The following SIPA1L2 variants were observed in gnomAD, a reference collection of about 807,000 sequenced individuals.
SIPA1L2 encodes the protein signal-induced proliferation-associated 1-like protein 2.
SIPA1L2 carries 56 observed loss-of-function variants against 163.9 expected under a neutral mutation model. That is an observed-to-expected ratio of 0.34 (90% CI 0.28 to 0.43). SIPA1L2 has a LOEUF of 0.43. Among genes scored for constraint, SIPA1L2 ranks in the 20% least tolerant of loss-of-function variants. SIPA1L2 has a pLI of 1.00. For synonymous variants in SIPA1L2, 877 were observed against 865.7 expected (o/e 1.01, Z -0.23); for missense variants, 1,974 against 2,193.5 (o/e 0.90, Z 2.00).
chr1:232,598,591 T>C (rs1433001931), intron 1 of SIPA1L2, among the ~76,000 whole-genome samples: 3 of 152,160 alleles, frequency 2.0e-5, no homozygotes, highest in Non-Finnish European at 4.4e-5. Flanking sequence ...TTTCTCACAG[T>C]TCTGGAGGCT....
At chr1:232,491,664 G>A (rs542900643) in intron 4 of SIPA1L2, among the ~76,000 whole-genome samples, 4 of 152,066 alleles carry the variant, frequency 2.6e-5, no homozygotes, top group Non-Finnish European at 5.9e-5. Flanking sequence ...TGAATATTTG[G>A]AGCACGTGCC....
At chr1:232,424,613 T>TG (rs1661780267) in intron 18 of SIPA1L2, among the ~76,000 whole-genome samples, 1 of 152,196 alleles carries the variant, frequency 6.6e-6, no homozygotes, top group Non-Finnish European at 1.5e-5. Flanking sequence ...AAGAAGGCGT[T>TG]TAAAGGTTTC....
intron 10 of SIPA1L2, among the ~76,000 whole-genome samples, chr1:232,460,278 C>T (rs1664162287): frequency 6.6e-6 from 1 of 152,182 alleles, no homozygotes; most frequent in African/African-American, 2.4e-5. Flanking sequence ...CAGCCCTCCA[C>T]CTATCCGCCT....
intron 18 of SIPA1L2, 33 bp downstream of exon 18, chr1:232,425,556 C>T (rs767836910): frequency 2.5e-5 from 37 of 1,504,612 alleles, no homozygotes; most frequent in Admixed American, 6.0e-5. Context: ...CCACCCTCGG[C>T]GCTGGCCAGG....
intron 10 of SIPA1L2, among the ~76,000 whole-genome samples, chr1:232,447,286 T>C (rs1472447308): frequency 6.6e-6 from 1 of 152,252 alleles, no homozygotes; most frequent in Non-Finnish European, 1.5e-5. Context: ...AAAATCTTTC[T>C]ATTGGACAGC....
intron 2 of SIPA1L2, among the ~76,000 whole-genome samples, chr1:232,570,706 T>TATGG (rs1175753123): frequency 6.6e-6 from 1 of 152,062 alleles, no homozygotes; most frequent in Non-Finnish European, 1.5e-5. Context: ...AAAGACATCA[T>TATGG]ATGGATCCAA....
At chr1:232,415,719 G>A (rs186713547) in intron 18 of SIPA1L2, 94 bp from the exon 19 acceptor site, 388 of 1,553,426 alleles carry the variant, frequency 2.5e-4, no homozygotes, top group Non-Finnish European at 2.8e-4. Flanking sequence ...GCCCCTCCCA[G>A]AGTCAGTCAG....
chr1:232,558,635 A>G (rs970394391), intron 2 of SIPA1L2, among the ~76,000 whole-genome samples: 3 of 152,138 alleles, frequency 2.0e-5, no homozygotes, highest in African/African-American at 7.2e-5. Flanking sequence ...TGCACCCCCA[A>G]ACAAATTTTT....
intron 1 of SIPA1L2, among the ~76,000 whole-genome samples, chr1:232,613,544 C>T (rs1178760797): frequency 1.3e-5 from 2 of 152,138 alleles, no homozygotes; most frequent in Non-Finnish European, 2.9e-5. Flanking sequence ...AACTGTCTTC[C>T]AGCAATTCTG....
intron 5 of SIPA1L2, among the ~76,000 whole-genome samples, chr1:232,488,075 C>T (rs555085826): frequency 6.7e-4 from 102 of 152,022 alleles, no homozygotes; most frequent in Non-Finnish European, 1.3e-3. Context: ...GCCTCAGCCT[C>T]CCTAGTAGCT....
chr1:232,418,242 G>T (rs2017606222), intron 18 of SIPA1L2, among the ~76,000 whole-genome samples: 1 of 152,162 alleles, frequency 6.6e-6, no homozygotes, highest in Admixed American at 6.5e-5. Flanking sequence ...GACAAGAGGG[G>T]TAAAATGCAA....
intron 1 of SIPA1L2, among the ~76,000 whole-genome samples, 80 bp downstream of exon 1, chr1:232,629,789 C>G (rs892066889): frequency 1.3e-5 from 2 of 152,054 alleles, no homozygotes; most frequent in Non-Finnish European, 2.9e-5. Flanking sequence ...TCCCCTTCCC[C>G]TTCGGGACAG....
chr1:232,461,954 G>A (rs1028902313), intron 9 of SIPA1L2, among the ~76,000 whole-genome samples: 8 of 152,270 alleles, frequency 5.3e-5, no homozygotes, highest in African/African-American at 1.7e-4. Flanking sequence ...GTGTAGGATG[G>A]TGCTCTGGCA....
intron 18 of SIPA1L2, among the ~76,000 whole-genome samples, chr1:232,418,164 G>GA (rs1661368646): frequency 1.3e-5 from 2 of 152,108 alleles, no homozygotes; most frequent in South Asian, 4.2e-4. Flanking sequence ...TTCCCCCTAA[G>GA]ACCACTATAC....
intron 2 of SIPA1L2, among the ~76,000 whole-genome samples, chr1:232,564,149 C>CGTGTGT (rs560949113): frequency 9.0e-5 from 4 of 44,612 alleles, no homozygotes; most frequent in African/African-American, 4.3e-4. Flanking sequence ...TTTTTTTTTT[C>CGTGTGT]GTGTGTGTGT....
intron 16 of SIPA1L2, among the ~76,000 whole-genome samples, chr1:232,430,985 C>A (rs1448015053): frequency 6.6e-6 from 1 of 152,202 alleles, no homozygotes; most frequent in Non-Finnish European, 1.5e-5. Flanking sequence ...CTGCCTCGCT[C>A]TCACTGAGCA....
intron 2 of SIPA1L2, among the ~76,000 whole-genome samples, chr1:232,530,352 G>C (rs1007140015): frequency 3.2e-4 from 49 of 152,100 alleles, no homozygotes; most frequent in Admixed American, 1.3e-4. Flanking sequence ...CTGACCTCGT[G>C]ATCCACCCGC....
intron 1 of SIPA1L2, among the ~76,000 whole-genome samples, chr1:232,626,299 T>A (rs889574444): frequency 1.4e-5 from 2 of 145,976 alleles, no homozygotes; most frequent in African/African-American, 5.0e-5. Context: ...GACGAGACAA[T>A]CTTTAAGGTC....
chr1:232,471,961 A>G (rs1356726790), intron 7 of SIPA1L2, among the ~76,000 whole-genome samples: 3 of 152,240 alleles, frequency 2.0e-5, no homozygotes, highest in Non-Finnish European at 4.4e-5. Flanking sequence ...CTCCCACAGT[A>G]AAGTAACGTG....
Sources: allele counts gnomAD v4.1 joint callset (sites outside exome capture counted in the v4.1 genomes callset), GRCh38; gene constraint gnomAD v4.1.1; transcripts MANE v1.5; gene names NCBI Gene and HGNC (gene_info 2026-07-23, HGNC 2026-07-21).